The following TIAM1 variants were observed in gnomAD, a reference collection of about 807,000 sequenced individuals.
TIAM1 encodes rho guanine nucleotide exchange factor TIAM1.
In TIAM1, 65 loss-of-function variants were observed where a neutral mutation model predicts 163.5. The observed-to-expected ratio is 0.40, with a 90% CI of 0.33 to 0.49. TIAM1 has a LOEUF of 0.49. Ranked by LOEUF, TIAM1 falls within the 20% of genes least tolerant of loss-of-function variation. The probability of loss-of-function intolerance (pLI) is 0.77; values close to 1 mark genes in which losing one functional copy is unlikely to be tolerated. For synonymous variants in TIAM1, 833 were observed against 810.1 expected (o/e 1.03, Z -0.48); for missense variants, 1,789 against 2,044.7 (o/e 0.87, Z 2.41).
At chr21:31,383,887 T>A in intron 2 of TIAM1, among the ~76,000 whole-genome samples, 1 of 152,156 alleles carries the variant, frequency 6.6e-6, no homozygotes, top group South Asian at 2.1e-4. Context: ...AATGAAACGA[T>A]GTTTCCAAGG....
chr21:31,420,739 G>C (rs923395650), intron 2 of TIAM1, among the ~76,000 whole-genome samples: 1 of 152,062 alleles, frequency 6.6e-6, no homozygotes, highest in Non-Finnish European at 1.5e-5. Context: ...CAAAATAGTG[G>C]GTCAAATAGG....
intron 2 of TIAM1, among the ~76,000 whole-genome samples, chr21:31,319,281 T>C (rs1031235671): frequency 6.6e-6 from 1 of 152,180 alleles, no homozygotes; most frequent in African/African-American, 2.4e-5. Flanking sequence ...AAGTGCATAG[T>C]TGAGTCCCCG....
At chr21:31,469,067 T>G (rs927434167) in intron 1 of TIAM1, among the ~76,000 whole-genome samples, 6 of 142,918 alleles carry the variant, frequency 4.2e-5, no homozygotes, top group South Asian at 2.3e-4. Context: ...GCTGCCCCAG[T>G]GGAACCAATC....
intron 2 of TIAM1, among the ~76,000 whole-genome samples, chr21:31,460,295 G>T (rs1284422081): frequency 6.6e-6 from 1 of 152,182 alleles, no homozygotes; most frequent in African/African-American, 2.4e-5. Flanking sequence ...ATAAAGGCAG[G>T]TAGCAAAACC....
intron 1 of TIAM1, among the ~76,000 whole-genome samples, chr21:31,517,146 G>T (rs1323087915): frequency 2.0e-5 from 3 of 151,852 alleles, no homozygotes; most frequent in Non-Finnish European, 4.4e-5. Context: ...GGGTCTTCAA[G>T]GCTCACAGTG....
At chr21:31,535,813 C>A (rs1364138860) in intron 1 of TIAM1, among the ~76,000 whole-genome samples, 1 of 152,158 alleles carries the variant, frequency 6.6e-6, no homozygotes, top group African/African-American at 2.4e-5. Context: ...CCGTGTGACA[C>A]TTGGGACATC....
At chr21:31,168,863 AAAAC>A (rs1416201793) in intron 15 of TIAM1, among the ~76,000 whole-genome samples, 2 of 152,258 alleles carry the variant, frequency 1.3e-5, no homozygotes, top group Non-Finnish European at 2.9e-5. Flanking sequence ...CCCATATTAT[AAAAC>A]ACAAGAGGCA....
chr21:31,321,364 G>GTTTT (rs869196384), intron 2 of TIAM1, among the ~76,000 whole-genome samples: 2 of 150,536 alleles, frequency 1.3e-5, no homozygotes, highest in African/African-American at 5.0e-5. Flanking sequence ...TTGTTTGTTT[G>GTTTT]TTTTTGAGAC....
intron 1 of TIAM1, among the ~76,000 whole-genome samples, chr21:31,516,902 T>C (rs2047400753): frequency 6.6e-6 from 1 of 150,970 alleles, no homozygotes; most frequent in South Asian, 2.1e-4. Flanking sequence ...ATACAAAAAT[T>C]AGCTGGGCGT....
chr21:31,295,414 G>A (rs2074211123), intron 2 of TIAM1, among the ~76,000 whole-genome samples: 1 of 147,808 alleles, frequency 6.8e-6, no homozygotes, highest in Non-Finnish European at 1.5e-5. Context: ...AGCTTGCAGT[G>A]CGCCGAGATC....
chr21:31,133,935 G>T (rs536197176), intron 23 of TIAM1, among the ~76,000 whole-genome samples: 6 of 152,164 alleles, frequency 3.9e-5, no homozygotes, highest in African/African-American at 1.4e-4. Flanking sequence ...GGGCGTGGTG[G>T]TGCGTGCCTG....
intron 4 of TIAM1, among the ~76,000 whole-genome samples, chr21:31,254,571 C>T (rs1273694694): frequency 6.6e-6 from 1 of 152,184 alleles, no homozygotes; most frequent in East Asian, 1.9e-4. Flanking sequence ...TGGTGCACAC[C>T]TGTAGTCCCA....
At chr21:31,257,282 C>T (rs2072170961) in intron 4 of TIAM1, among the ~76,000 whole-genome samples, 1 of 152,124 alleles carries the variant, frequency 6.6e-6, no homozygotes, top group African/African-American at 2.4e-5. Flanking sequence ...CATTCCTTTT[C>T]TTCTAACGAT....
chr21:31,277,570 G>A (rs573775942), intron 2 of TIAM1, among the ~76,000 whole-genome samples: 10 of 152,268 alleles, frequency 6.6e-5, no homozygotes, highest in Admixed American at 2.6e-4. Context: ...GCTGGAACCC[G>A]GGAGGTGGAG....
intron 15 of TIAM1, among the ~76,000 whole-genome samples, chr21:31,169,780 A>T (rs2084417504): frequency 6.6e-6 from 1 of 152,318 alleles, no homozygotes; most frequent in African/African-American, 2.4e-5. Flanking sequence ...CAAAAAAAAA[A>T]ATACAAACTG....
At chr21:31,362,977 C>T (rs552053574) in intron 2 of TIAM1, among the ~76,000 whole-genome samples, 1 of 152,038 alleles carries the variant, frequency 6.6e-6, no homozygotes, top group African/African-American at 2.4e-5. Flanking sequence ...GTAATGTTTT[C>T]CTCTGTACTG....
At chr21:31,420,840 G>A (rs763286052) in intron 2 of TIAM1, among the ~76,000 whole-genome samples, 4 of 152,114 alleles carry the variant, frequency 2.6e-5, no homozygotes, top group African/African-American at 4.8e-5. Flanking sequence ...AGATGAAGTC[G>A]GCCAGGTGCG....
At chr21:31,542,930 G>A (rs2048367628) in intron 1 of TIAM1, among the ~76,000 whole-genome samples, 2 of 151,352 alleles carry the variant, frequency 1.3e-5, no homozygotes, top group Non-Finnish European at 2.9e-5. Context: ...ACTGCGCCAC[G>A]GAACTCCAGC....
At chr21:31,517,591 A>G (rs1254098324) in intron 1 of TIAM1, among the ~76,000 whole-genome samples, 1 of 152,200 alleles carries the variant, frequency 6.6e-6, no homozygotes, top group Non-Finnish European at 1.5e-5. Flanking sequence ...GAGATGGAGC[A>G]ATACAGTCAC....
Sources: gnomAD v4.1 joint callset for allele counts (sites outside exome capture counted in the v4.1 genomes callset) on GRCh38, gnomAD v4.1.1 for gene constraint, MANE v1.5 for transcripts, NCBI Gene and HGNC (gene_info 2026-07-23, HGNC 2026-07-21) for gene names.